The following CUL2 variants were observed in gnomAD, a reference collection of about 807,000 sequenced individuals.
The protein encoded by CUL2 is cullin 2.
In CUL2, 22 loss-of-function variants were observed where a neutral mutation model predicts 110.2. That is an observed-to-expected ratio of 0.20 (90% CI 0.14 to 0.28). CUL2 has a LOEUF of 0.28. CUL2 is among the 10% of genes least tolerant of loss of function. CUL2 has a pLI of 1.00. For synonymous variants in CUL2, 279 were observed against 293.2 expected, an observed-to-expected ratio of 0.95 and a Z score of 0.49; for missense variants, 631 against 905.5, an observed-to-expected ratio of 0.70 and a Z score of 3.89.
chr10:35,095,906 AC>A (rs2087291086), intron 2 of CUL2, among the ~76,000 whole-genome samples: 1 of 152,032 alleles, frequency 6.6e-6, no homozygotes, highest in Non-Finnish European at 1.5e-5. Flanking sequence ...ATTTTGGGAT[AC>A]CCCTAGATAC....
In CUL2 at chr10:35,028,971, T is replaced by C. The variant is rs2085401302; in HGVS notation, c.1540-84A>G. 6.1e-6 allele frequency: 5 copies of C among 819,158 alleles called. No individual in the cohort carries two copies. In the Admixed American group the frequency reaches 1.4e-4, roughly 23 times the overall value. 50.7% of individuals were successfully genotyped at this position (819,158 alleles called of 1,614,324 possible). Reference sequence around the variant, plus strand: ...AAATATTTATTAAATAATCTAAGCATCTAAAACATTTTTTTCTTCCTCAAA... The same window carrying C: ...AAATATTTATTAAATAATCTAAGCACCTAAAACATTTTTTTCTTCCTCAAA... On this transcript the variant is annotated intron_variant, in intron 15 of 20. Transcript: ENST00000374749.
At chr10:35,097,354 C>A (rs2087313654) in intron 2 of CUL2, among the ~76,000 whole-genome samples, 1 of 151,930 alleles carries the variant, frequency 6.6e-6, no homozygotes, top group African/African-American at 2.4e-5. Context: ...GGGAGGATTG[C>A]TTGAGGCCAG....
intron 14 of CUL2, 107 bp from the exon 15 acceptor site, chr10:35,029,747 C>T (rs1243122255): frequency 7.9e-6 from 6 of 760,906 alleles, no homozygotes; most frequent in African/African-American, 3.7e-5. Flanking sequence ...AAGGTTCTTG[C>T]ATATACACTT....
intron 1 of CUL2, among the ~76,000 whole-genome samples, chr10:35,088,411 G>A (rs2087112876): frequency 7.1e-6 from 1 of 140,536 alleles, no homozygotes; most frequent in South Asian, 2.3e-4. Flanking sequence ...AGGAGGCTGA[G>A]GCAGGAGAAT....
chr10:35,028,785 T>C (rs775504188), intron 16 of CUL2, 25 bp downstream of exon 16: 21 of 1,473,954 alleles, frequency 1.4e-5, no homozygotes, highest in Non-Finnish European at 1.8e-5. Context: ...CCTTTAGTCT[T>C]CTAATATATT....
At chr10:35,125,709 A>T (rs1589078975) in intron 1 of CUL2, among the ~76,000 whole-genome samples, 1 of 152,170 alleles carries the variant, frequency 6.6e-6, no homozygotes, top group African/African-American at 2.4e-5. Context: ...CTGAATGAAA[A>T]TTTTTTTGTG....
upstream of CUL2, among the ~76,000 whole-genome samples, chr10:35,095,322 C>CAAAA (rs528275472): frequency 1.9e-5 from 2 of 102,912 alleles, no homozygotes; most frequent in African/African-American, 6.8e-5. Context: ...GACTCCATCT[C>CAAAA]AAAAAAAAAA....
chr10:35,027,434 G>A (rs1375460324), intron 16 of CUL2, among the ~76,000 whole-genome samples: 1 of 152,040 alleles, frequency 6.6e-6, no homozygotes, highest in Non-Finnish European at 1.5e-5. Context: ...GTGAGCCACC[G>A]CGCCCGGCAA....
intron 17 of CUL2, among the ~76,000 whole-genome samples, chr10:35,024,762 T>C (rs1270602140): frequency 6.6e-6 from 1 of 152,206 alleles, no homozygotes; most frequent in Non-Finnish European, 1.5e-5. Flanking sequence ...TAGGTCTCCT[T>C]ATGATGCTAT....
chr10:35,121,819 A>AT (rs1207244303), intron 1 of CUL2, among the ~76,000 whole-genome samples: 2 of 152,032 alleles, frequency 1.3e-5, no homozygotes, highest in Non-Finnish European at 2.9e-5. Context: ...CAAAAAAAAA[A>AT]AAAAAAATAA....
rs746063878 is a variant in CUL2 at position 35,044,612 on chromosome 10, GCTT to G, written c.665_667del (p.Glu222del). 3.1e-6 allele frequency: 5 copies of G among 1,610,258 alleles called. No individual in the cohort carries two copies. The Admixed American group carries it at 5.0e-5, about 16-fold the overall frequency. ...GTTTGATTCTTGTAATAAATTTGAA[GCTT>G]CTTGTTTGTAATACTCTCCTGTTTC... is the stretch of plus-strand genomic sequence containing the variant. On this transcript the variant is annotated inframe_deletion, in exon 8 of 21. Transcript: ENST00000374749.
At chr10:35,027,510 TTGAC>T (rs1209517905) in intron 16 of CUL2, among the ~76,000 whole-genome samples, 3 of 152,210 alleles carry the variant, frequency 2.0e-5, no homozygotes, top group Admixed American at 1.3e-4. Context: ...ACAATTAAGA[TTGAC>T]TGGCCTAAAG....
intron 11 of CUL2, 81 bp downstream of exon 11, chr10:35,033,085 A>C: frequency 1.5e-6 from 1 of 688,194 alleles, no homozygotes; most frequent in Non-Finnish European, 2.3e-6. Flanking sequence ...GAAACCTCAT[A>C]CTAGAATTCT....
chr10:35,044,515 C>T, intron 8 of CUL2, 51 bp downstream of exon 8: 1 of 1,177,300 alleles, frequency 8.5e-7, no homozygotes, highest in African/African-American at 1.6e-5. Context: ...TTAAATAAAA[C>T]CAGGCCAGAT....
chr10:35,014,550 A>C (rs933923993), intron 18 of CUL2, among the ~76,000 whole-genome samples: 1 of 152,178 alleles, frequency 6.6e-6, no homozygotes, highest in African/African-American at 2.4e-5. Flanking sequence ...TTAAATTTAA[A>C]GGCCAGGCAT....
At chr10:35,016,132 A>G in intron 18 of CUL2, 60 bp downstream of exon 18, 1 of 1,386,964 alleles carries the variant, frequency 7.2e-7, no homozygotes, top group Non-Finnish European at 1.0e-6. Context: ...AACTGCAAAC[A>G]TCTCATGAAA....
At chr10:35,013,125 T>A (rs1026900283) in intron 19 of CUL2, among the ~76,000 whole-genome samples, 3 of 151,958 alleles carry the variant, frequency 2.0e-5, no homozygotes, top group Admixed American at 6.6e-5. Context: ...CGGATCACGA[T>A]GTCAGGAGAT....
chr10:35,121,725 G>T (rs955522936), intron 1 of CUL2, among the ~76,000 whole-genome samples: 8 of 151,646 alleles, frequency 5.3e-5, no homozygotes, highest in Admixed American at 1.3e-4. Flanking sequence ...TGGGAGGATT[G>T]CTTGAGCCCG....
intron 19 of CUL2, among the ~76,000 whole-genome samples, chr10:35,012,513 C>T (rs561505116): frequency 6.6e-6 from 1 of 152,050 alleles, no homozygotes; most frequent in African/African-American, 2.4e-5. Flanking sequence ...TTTTATGTGG[C>T]TCAAGCAGAG....
Sources: allele counts gnomAD v4.1 joint callset (sites outside exome capture counted in the v4.1 genomes callset), GRCh38; gene constraint gnomAD v4.1.1; transcripts MANE v1.5; gene names NCBI Gene and HGNC (gene_info 2026-07-23, HGNC 2026-07-21).